The following LY6D variants were observed in gnomAD, a reference collection of about 807,000 sequenced individuals.
The protein encoded by LY6D is lymphocyte antigen 6D.
Under a neutral mutation model 5.6 loss-of-function variants are expected in LY6D, and 7 were observed. The ratio of observed to expected loss-of-function variants is 1.24; its 90% CI spans 0.71 to 2.34. LY6D has a LOEUF of 2.34. LY6D is among the 30% of genes most tolerant of loss of function. The pLI is 0.00. For missense variants in LY6D, 148 were observed against 164.8 expected, an observed-to-expected ratio of 0.90 and a Z score of 0.56; for synonymous variants, 81 against 75.0, an observed-to-expected ratio of 1.08 and a Z score of -0.41.
At chr8:142,786,256 G>A (rs556336524) in intron 1 of LY6D, 27 of 1,373,918 alleles carry the variant, frequency 2.0e-5, no homozygotes, top group Non-Finnish European at 2.4e-5. Context: ...GACTCCAGGA[G>A]TCAGTTCTAA....
chr8:142,786,175 G>A, intron 1 of LY6D: 1 of 1,274,956 alleles, frequency 7.8e-7, no homozygotes, highest in Non-Finnish European at 9.9e-7. Flanking sequence ...CTGGTGGCAG[G>A]GACTAGATGG....
At position 142,784,936 on chromosome 8, in the gene LY6D, A is replaced by T. The variant is rs578018759; in HGVS notation, c.*285T>A. 2.2e-6 allele frequency: 1 copy of T among 457,500 alleles called. No homozygotes were observed. Among genetic ancestry groups the T allele is most frequent in the Non-Finnish European group, 3.9e-6 (1 of 255,270 alleles). 28.3% of individuals were successfully genotyped at this position (457,500 alleles called of 1,614,324 possible). A position where few individuals can be genotyped will look rare whatever the true frequency, so the allele number is the denominator to read the frequency against. On this transcript the variant is annotated 3_prime_UTR_variant, in exon 3 of 3. Coordinates refer to ENST00000301263, the MANE Select transcript of LY6D (RefSeq NM_003695.3). ...GATTTGAGTACAAAAATAAACGGCA[A>T]CAAAACAGAAGGAGTGTGAAATCCG...
intron 1 of LY6D, 35 bp downstream of exon 1, chr8:142,786,430 G>GGCCCCCCCCCCCCCCCCCCTGGCCCCCCC: frequency 7.0e-7 from 1 of 1,434,868 alleles, no homozygotes; most frequent in Non-Finnish European, 9.4e-7. Flanking sequence ...GGCCACAGCC[G>GGCCCCCCCCCCCCCCCCCCTGGCCCCCCC]CCCACCCGCC....
rs759034984 is a variant in LY6D, at chr8:142,785,439, TC to T, written c.168del (p.Asn57IlefsTer3). On this transcript the variant is annotated frameshift_variant, in exon 3 of 3. Coordinates refer to ENST00000301263, the MANE Select transcript of LY6D (RefSeq NM_003695.3). LOFTEE classifies it low-confidence loss of function (END_TRUNC). The stretch of plus-strand genomic sequence containing the variant: ...TCCGCACAGTCCTTCTTCACCAGAT[TC>T]CCCCTCAGAGGCTCCACTGGGCACA... ...KTTNTVEPLR[G>X]NLVKKDCAES... The T allele has an allele frequency of 6.2e-7, 1 of 1,612,264 alleles. No individual in the cohort carries two copies. The highest frequency in any genetic ancestry group is 8.5e-7 in the Non-Finnish European group (1 of 1,179,310).
chr8:142,785,034 C>CTCTGTGGGG lies in LY6D; in HGVS notation c.*178_*186dup, dbSNP rs1815624704. On this transcript the variant is annotated 3_prime_UTR_variant, in exon 3 of 3. Transcript: ENST00000301263. The stretch of plus-strand genomic sequence containing the variant: ...GCATCCTCTGTGGGGTGGCTTCATC[C>CTCTGTGGGG]TCTGTGGGGTCTGTGGGGCCTGCTC... 1.2e-5 allele frequency: 7 copies of CTCTGTGGGG among 588,252 alleles called. No homozygotes were observed. In the South Asian group the frequency reaches 1.5e-4, roughly 13 times the overall value. 36.4% of individuals were successfully genotyped at this position (588,252 alleles called of 1,614,324 possible).
chr8:142,785,332 G>A lies in LY6D; in HGVS notation c.276C>T (p.Cys92=), dbSNP rs1380719490. 1.9e-6 allele frequency: 3 copies of A among 1,613,788 alleles called. No homozygotes were observed. Among genetic ancestry groups the A allele is most frequent in the Non-Finnish European group, 2.5e-6 (3 of 1,179,972 alleles). The change falls in exon 3 of 3, where the codon TGC becomes TGT. Residue 92 remains cysteine (C), a synonymous_variant. Transcript: ENST00000301263. ...GTGCAGCGTTGTGCAGCTTCTCATT[G>A]CACAGGTCCTCCTGGCAGCACTGGG... ...SSTQCCQEDL[C]NEKLHNAAPT... is the part of the protein sequence containing the mutation.
At position 142,785,665 on chromosome 8, in the gene LY6D, C is replaced by T; in HGVS notation, c.75G>A (p.Val25=). Residue 25 remains valine, a synonymous_variant, in exon 2 of 3, where the codon GTG becomes GTA. Coordinates refer to ENST00000301263, the MANE Select transcript of LY6D (RefSeq NM_003695.3). Reference sequence around the variant, plus strand: ...GCTTGCAGTTGCTGGAGCTGGTGCACACGTGGCAGCGCAGGGTAAGGGCTG... The same window carrying T: ...GCTTGCAGTTGCTGGAGCTGGTGCATACGTGGCAGCGCAGGGTAAGGGCTG... ...TGPALTLRCH[V]CTSSSNCKHS... 3.1e-6 allele frequency: 5 copies of T among 1,613,626 alleles called. No individual in the cohort carries two copies. The highest frequency in any genetic ancestry group is 4.2e-6 in the Non-Finnish European group (5 of 1,180,004).
intron 1 of LY6D, chr8:142,785,951 G>A (rs1815647686): frequency 1.5e-6 from 2 of 1,342,518 alleles, no homozygotes; most frequent in African/African-American, 2.9e-5. Flanking sequence ...TTCCTCCAAG[G>A]TCTCAGGGAG....
chr8:142,786,430 G>GGCCCCCCCCCCCGCC, intron 1 of LY6D, 35 bp downstream of exon 1: 8 of 1,434,712 alleles, frequency 5.6e-6, no homozygotes, highest in African/African-American at 2.9e-5. Context: ...GGCCACAGCC[G>GGCCCCCCCCCCCGCC]CCCACCCGCC....
intron 1 of LY6D, 121 bp from the exon 2 acceptor site, chr8:142,785,808 G>T: frequency 1.4e-6 from 2 of 1,480,618 alleles, no homozygotes; most frequent in Non-Finnish European, 1.8e-6. Context: ...CTTGCCCTAG[G>T]CCCCCAAACC....
rs1815636227 is a variant in LY6D, at chr8:142,785,345, T to C, written c.263A>G (p.Gln88Arg). The change falls in exon 3 of 3, where the codon CAG (glutamine) becomes CGG (arginine). Residue 88 changes from glutamine (Q) to arginine (R), a missense_variant. Gln to Arg is a conservative substitution (Grantham distance 43). Transcript: ENST00000301263. ...CAGCTTCTCATTGCACAGGTCCTCC[T>C]GGCAGCACTGGGTGGAGCTGGTGCC... Reference protein sequence around the residue: ...SSGTSSTQCCQEDLCNEKLHN... With the variant: ...SSGTSSTQCCREDLCNEKLHN... 1 of 1,613,672 alleles carries C rather than the reference T, an allele frequency of 6.2e-7. No homozygotes were observed. Among genetic ancestry groups the C allele is most frequent in the Non-Finnish European group, 8.5e-7 (1 of 1,179,968 alleles).
intron 1 of LY6D, chr8:142,786,128 T>G: frequency 8.1e-7 from 1 of 1,234,404 alleles, no homozygotes; most frequent in Non-Finnish European, 1.0e-6. Context: ...TGGGCTGTCC[T>G]GGGCTGTGCT....
At chr8:142,785,925 G>A (rs867349766) in intron 1 of LY6D, 24 of 1,390,346 alleles carry the variant, frequency 1.7e-5, no homozygotes, top group South Asian at 1.7e-4. Flanking sequence ...CCCTGTCTAG[G>A]GTGTGTTGCA....
In LY6D at chr8:142,786,517, C is replaced by T; in HGVS notation, c.-1G>A. 6.7e-7 allele frequency: 1 copy of T among 1,500,054 alleles called. No homozygotes were observed. The highest frequency in any genetic ancestry group is 9.0e-7 in the Non-Finnish European group (1 of 1,114,398). The allele number at this position is 1,500,054 out of a possible 1,614,324, so 92.9% of individuals were successfully genotyped here. A position where few individuals can be genotyped will look rare whatever the true frequency, so the allele number is the denominator to read the frequency against. On this transcript the variant is annotated 5_prime_UTR_variant, in exon 1 of 3. Coordinates refer to ENST00000301263, the MANE Select transcript of LY6D (RefSeq NM_003695.3). ...CAAGGAGCAGCAATGCTGTCCTCAT[C>T]TCTGATGTCGTCTGGGAGCAGTGCG... is the stretch of plus-strand genomic sequence containing the variant.
At position 142,785,126 on chromosome 8, in the gene LY6D, G is replaced by A; in HGVS notation, c.*95C>T. The A allele has an allele frequency of 9.9e-7, 1 of 1,011,066 alleles. No individual in the cohort carries two copies. The allele number at this position is 1,011,066 out of a possible 1,614,324, so 62.6% of individuals were successfully genotyped here. A position where few individuals can be genotyped will look rare whatever the true frequency, so the allele number is the denominator to read the frequency against. On this transcript the variant is annotated 3_prime_UTR_variant, in exon 3 of 3. Transcript: ENST00000301263. ...ACTTTCGGGGAAGCCCTCAGCCTGG[G>A]GCTCCTGGCACCCCCGTTGCGGCTG...
intron 1 of LY6D, chr8:142,786,002 C>G (rs1199859110): frequency 1.1e-5 from 14 of 1,275,200 alleles, no homozygotes; most frequent in Non-Finnish European, 1.3e-5. Context: ...TGTCCCCACC[C>G]CAGGGGATGT....
At chr8:142,785,982 C>T (rs2130142412) in intron 1 of LY6D, 8 of 1,299,282 alleles carry the variant, frequency 6.2e-6, no homozygotes, top group Non-Finnish European at 7.9e-6. Flanking sequence ...GCCAAGAGGA[C>T]ACTGGCTCTT....
At position 142,785,280 on chromosome 8, in the gene LY6D, C is replaced by T; in HGVS notation, c.328G>A (p.Ala110Thr). ...CTCAGGGCCAGCCCCAGGCTGAGGG[C>T]ACTGTGGGCGAGGGCGGTGCGGGTG... Reference protein sequence around the residue: ...APTRTALAHSALSLGLALSLL... With the variant: ...APTRTALAHSTLSLGLALSLL... The change falls in exon 3 of 3, where the codon GCC becomes ACC. Residue 110 changes from alanine to threonine, a missense_variant. Transcript: ENST00000301263. 1.9e-6 allele frequency: 3 copies of T among 1,613,124 alleles called. No individual in the cohort carries two copies. The highest frequency in any genetic ancestry group is 2.5e-6 in the Non-Finnish European group (3 of 1,179,678).
rs369413617 is a variant in LY6D at position 142,785,693 on chromosome 8, G to A, written c.53-6C>T. On this transcript the variant is annotated splice_region_variant and splice_polypyrimidine_tract_variant and intron_variant, in intron 1 of 2. Coordinates refer to ENST00000301263, the MANE Select transcript of LY6D (RefSeq NM_003695.3). ...GTGGCAGCGCAGGGTAAGGGCTGGC[G>A]GGGAGGGAGTCCGGCTCAGCGGGCC... is the stretch of plus-strand genomic sequence containing the variant. 4.3e-4 allele frequency: 692 copies of A among 1,613,170 alleles called. 4 individuals carry two copies. In the Admixed American group the frequency reaches 0.01, roughly 24 times the overall value.
Sources: allele counts gnomAD v4.1 joint callset, GRCh38; gene constraint gnomAD v4.1.1; transcripts MANE v1.5; gene names NCBI Gene and HGNC (gene_info 2026-07-23, HGNC 2026-07-21).